PGM5: variants seen among roughly 807,000 people sequenced by gnomAD.
PGM5 encodes the protein phosphoglucomutase-like protein 5.
Under a neutral mutation model 59.2 loss-of-function variants are expected in PGM5, and 23 were observed. That is an observed-to-expected ratio of 0.39 (90% CI 0.28 to 0.55). The LOEUF is 0.55. Among genes scored for constraint, PGM5 ranks in the 20% least tolerant of loss-of-function variants. The probability of loss-of-function intolerance (pLI) is 0.66; values close to 1 mark genes in which losing one functional copy is unlikely to be tolerated. For synonymous variants in PGM5, 214 were observed against 286.0 expected (o/e 0.75, Z 2.54); for missense variants, 574 against 748.3 (o/e 0.77, Z 2.72).
intron 10 of PGM5, among the ~76,000 whole-genome samples, chr9:68,528,892 C>A (rs1825033110): frequency 6.6e-6 from 1 of 152,140 alleles, no homozygotes; most frequent in Non-Finnish European, 1.5e-5. Flanking sequence ...AAAACAATGC[C>A]TCAATCCCAT....
At chr9:68,397,216 G>C (rs1293356002) in intron 6 of PGM5, 3 of 152,928 alleles carry the variant, frequency 2.0e-5, no homozygotes, top group East Asian at 1.9e-4. Flanking sequence ...AAAACACATT[G>C]AAAGTATGTT....
intron 7 of PGM5, among the ~76,000 whole-genome samples, chr9:68,471,961 C>T (rs1157936033): frequency 1.4e-5 from 2 of 140,786 alleles, no homozygotes; most frequent in African/African-American, 5.4e-5. Context: ...TTCCTATCTG[C>T]CTTGGTGACA....
chr9:68,377,592 A>G (rs3119643), intron 1 of PGM5, among the ~76,000 whole-genome samples: 59,198 of 151,796 alleles, frequency 0.39, 11,994 homozygotes, highest in African/African-American at 0.46. Flanking sequence ...TGCATCCATG[A>G]ATGACCTCCA....
rs185476502 is a variant in PGM5, at chr9:68,407,137, G to A, written c.1043+14664G>A. ...GTTAGTGACCTAGGAATAGACGTAC[G>A]TTTTTTTGGGGTGGGGAAGGGGTCT... On this transcript the variant is annotated intron_variant, in intron 6 of 10. Transcript: ENST00000396396. Among the ~76,000 whole-genome samples, 839 of 151,962 alleles carry A rather than the reference G, an allele frequency of 5.5e-3. 6 individuals are homozygous for A. Among genetic ancestry groups the A allele is most frequent in the African/African-American group, 7.3e-3 (302 of 41,450 alleles).
intron 9 of PGM5, among the ~76,000 whole-genome samples, chr9:68,494,112 G>A (rs1824443568): frequency 6.6e-6 from 1 of 152,022 alleles, no homozygotes; most frequent in African/African-American, 2.4e-5. Flanking sequence ...CCTTTTTTGA[G>A]TGTGTGGCTA....
At chr9:68,399,185 A>G (rs1470943613) in intron 6 of PGM5, 3 of 152,060 alleles carry the variant, frequency 2.0e-5, no homozygotes, top group African/African-American at 4.8e-5. Flanking sequence ...GAGTGCATCC[A>G]TGATATTTTG....
chr9:68,484,040 A>C lies in PGM5; in HGVS notation c.1471A>C (p.Lys491Gln). 1 of 1,613,052 alleles carries C rather than the reference A, an allele frequency of 6.2e-7. No homozygotes were observed. Among genetic ancestry groups the C allele is most frequent in the Non-Finnish European group, 8.5e-7 (1 of 1,179,786 alleles). ...YVDPVDGTVT[K>Q]KQGLRIIFSD... ...GGACCCTGTGGATGGCACTGTGACC[A>C]AGAAACAGGTACTTGCTAGGAAATC... Residue 491 changes from lysine (K) to glutamine (Q), a missense_variant, in exon 9 of 11, where the codon AAG (lysine) becomes CAG (glutamine). Physicochemically the swap from Lys to Gln is moderately conservative, Grantham distance 53 (BLOSUM62 1). Coordinates refer to ENST00000396396, the MANE Select transcript of PGM5 (RefSeq NM_021965.4).
chr9:68,373,502 G>A (rs1206984723), intron 1 of PGM5, among the ~76,000 whole-genome samples: 7 of 152,144 alleles, frequency 4.6e-5, no homozygotes, highest in African/African-American at 1.4e-4. Flanking sequence ...AGATAAAAAT[G>A]TATCTATAAT....
intron 1 of PGM5, among the ~76,000 whole-genome samples, chr9:68,369,145 A>G (rs1179650562): frequency 1.3e-5 from 2 of 152,244 alleles, no homozygotes; most frequent in South Asian, 2.1e-4. Context: ...GGCAAGTGAA[A>G]CGTGTCAAGA....
At chr9:68,442,242 G>C (rs1177297771) in intron 6 of PGM5, among the ~76,000 whole-genome samples, 1 of 152,080 alleles carries the variant, frequency 6.6e-6, no homozygotes, top group African/African-American at 2.4e-5. Context: ...AGAAGAGGCA[G>C]AACAATTTTC....
intron 3 of PGM5, among the ~76,000 whole-genome samples, chr9:68,385,035 T>C (rs1172985467): frequency 2.6e-5 from 4 of 151,960 alleles, no homozygotes; most frequent in Non-Finnish European, 2.9e-5. Context: ...TGTTAGGAGA[T>C]TTTACAAAGG....
chr9:68,396,151 ACTTGAT>A (rs1486304961), intron 6 of PGM5: 2 of 152,128 alleles, frequency 1.3e-5, no homozygotes, highest in Non-Finnish European at 2.9e-5. Flanking sequence ...ATATCAACTC[ACTTGAT>A]CTTTGCAATA....
intron 6 of PGM5, among the ~76,000 whole-genome samples, chr9:68,412,815 T>A (rs1822956986): frequency 6.6e-6 from 1 of 152,200 alleles, no homozygotes; most frequent in South Asian, 2.1e-4. Context: ...TTCCAGAGCA[T>A]GTTAATTGTT....
At chr9:68,452,508 T>C (rs917171476) in intron 6 of PGM5, among the ~76,000 whole-genome samples, 5 of 152,188 alleles carry the variant, frequency 3.3e-5, no homozygotes, top group African/African-American at 4.8e-5. Context: ...CTGTCTCCCA[T>C]AGACGACTAG....
chr9:68,376,858 TTTC>T (rs1165715625), intron 1 of PGM5, among the ~76,000 whole-genome samples: 2 of 140,060 alleles, frequency 1.4e-5, no homozygotes, highest in Non-Finnish European at 3.1e-5. Context: ...TTTCTCTTTC[TTTC>T]TTTTTTCTTT....
At chr9:68,514,876 T>G (rs1437976496) in intron 10 of PGM5, among the ~76,000 whole-genome samples, 11 of 152,208 alleles carry the variant, frequency 7.2e-5, no homozygotes, top group African/African-American at 2.7e-4. Flanking sequence ...GACTTGTTCC[T>G]GCTTCTCAGG....
chr9:68,422,198 A>C (rs1823142482), intron 6 of PGM5, among the ~76,000 whole-genome samples: 1 of 152,170 alleles, frequency 6.6e-6, no homozygotes, highest in Non-Finnish European at 1.5e-5. Context: ...CTCAACAATA[A>C]AATAATAATT....
At chr9:68,378,489 G>A in intron 2 of PGM5, 128 bp downstream of exon 2, 1 of 1,225,088 alleles carries the variant, frequency 8.2e-7, no homozygotes, top group Non-Finnish European at 1.1e-6. Context: ...ATTCAGTGAG[G>A]TGCCCAAAGA....
intron 6 of PGM5, among the ~76,000 whole-genome samples, chr9:68,439,974 A>C (rs931924270): frequency 6.6e-6 from 1 of 152,220 alleles, no homozygotes; most frequent in Non-Finnish European, 1.5e-5. Context: ...ACTGCACTGC[A>C]AAGTCTTTGA....
Sources: allele counts gnomAD v4.1 joint callset (sites outside exome capture counted in the v4.1 genomes callset), GRCh38; gene constraint gnomAD v4.1.1; transcripts MANE v1.5; gene names NCBI Gene and HGNC (gene_info 2026-07-23, HGNC 2026-07-21).